The following LEF1 variants were observed in gnomAD, a reference collection of about 807,000 sequenced individuals.
The protein encoded by LEF1 is lymphoid enhancer binding factor 1.
Under a neutral mutation model 51.2 loss-of-function variants are expected in LEF1, and 14 were observed. That is an observed-to-expected ratio of 0.27 (90% CI 0.18 to 0.43). The LOEUF is 0.43. Ranked by LOEUF, LEF1 falls within the 20% of genes least tolerant of loss-of-function variation. The pLI is 1.00. For missense variants in LEF1, 386 were observed against 512.0 expected, an observed-to-expected ratio of 0.75 and a Z score of 2.37; for synonymous variants, 185 against 183.2, an observed-to-expected ratio of 1.01 and a Z score of -0.08.
intron 11 of LEF1, among the ~76,000 whole-genome samples, chr4:108,054,614 C>G (rs1737205621): frequency 6.6e-6 from 1 of 152,192 alleles, no homozygotes; most frequent in Non-Finnish European, 1.5e-5. Flanking sequence ...CTTCACACGA[C>G]ACATTCGGGG....
chr4:108,064,263 G>T, intron 10 of LEF1, 73 bp downstream of exon 10: 2 of 951,276 alleles, frequency 2.1e-6, no homozygotes, highest in Non-Finnish European at 1.7e-6. Context: ...GCAGTGTGTA[G>T]AGAGATGCAA....
intron 3 of LEF1, among the ~76,000 whole-genome samples, chr4:108,128,793 A>G (rs998876480): frequency 8.5e-5 from 13 of 152,194 alleles, no homozygotes; most frequent in East Asian, 1.9e-4. Flanking sequence ...AAAATTGTAA[A>G]TCATGAGAAG....
chr4:108,088,928 A>G (rs1174023154), intron 4 of LEF1, among the ~76,000 whole-genome samples, 197 bp downstream of exon 4: 2 of 152,160 alleles, frequency 1.3e-5, no homozygotes, highest in African/African-American at 2.4e-5. Context: ...CTGCTTTTTA[A>G]TAATGCATAA....
chr4:108,081,189 A>T (rs1739274131), intron 6 of LEF1, among the ~76,000 whole-genome samples: 1 of 152,148 alleles, frequency 6.6e-6, no homozygotes, highest in East Asian at 1.9e-4. Flanking sequence ...TCCACAAAGG[A>T]AGCAAATTAT....
At chr4:108,055,054 T>C (rs1737232567) in intron 11 of LEF1, among the ~76,000 whole-genome samples, 1 of 152,228 alleles carries the variant, frequency 6.6e-6, no homozygotes. Context: ...AGTAATGTCA[T>C]GAAATTTATG....
intron 8 of LEF1, among the ~76,000 whole-genome samples, chr4:108,071,064 A>G (rs889786045): frequency 2.6e-5 from 4 of 152,186 alleles, no homozygotes; most frequent in Non-Finnish European, 5.9e-5. Context: ...CTCTTTTCCA[A>G]TATAAATTAA....
chr4:108,083,431 G>A lies in LEF1; in HGVS notation c.563C>T (p.Pro188Leu), dbSNP rs771652005. 1 of 1,612,442 alleles carries A rather than the reference G, an allele frequency of 6.2e-7. No homozygotes were observed. Among genetic ancestry groups the A allele is most frequent in the Non-Finnish European group, 8.5e-7 (1 of 1,178,630 alleles). ...AAAAGTAGGGATATCAGGAGCTGGA[G>A]GATGTCTGGACATGCCTGTTAAACA... is the stretch of plus-strand genomic sequence containing the variant. ...VNSKQGMSRH[P>L]PAPDIPTFYP... Residue 188 changes from proline to leucine, a missense_variant, in exon 5 of 12, where the codon CCT becomes CTT. This residue lies in a region of LEF1 where 335 missense variants were observed against 390.7 expected (regional missense o/e 0.86). Coordinates refer to ENST00000265165, the MANE Select transcript of LEF1 (RefSeq NM_016269.5).
rs544986368 is a variant in LEF1, at chr4:108,048,370, A to T, written c.*388T>A. 4.6e-6 allele frequency: 1 copy of T among 215,256 alleles called. No individual in the cohort carries two copies. Among genetic ancestry groups the T allele is most frequent in the Non-Finnish European group, 9.2e-6 (1 of 109,254 alleles). 13.3% of individuals were successfully genotyped at this position (215,256 alleles called of 1,614,324 possible). A position where few individuals can be genotyped will look rare whatever the true frequency, so the allele number is the denominator to read the frequency against. ...CATGACAGGCAAATGCAGCCAAGTT[A>T]CCGTCCTTGCCGAAAGGTTACAGGT... is the stretch of plus-strand genomic sequence containing the variant. On this transcript the variant is annotated 3_prime_UTR_variant, in exon 12 of 12. Coordinates refer to ENST00000265165, the MANE Select transcript of LEF1 (RefSeq NM_016269.5).
intron 11 of LEF1, among the ~76,000 whole-genome samples, chr4:108,052,422 T>C (rs112503951): frequency 2.0e-5 from 3 of 152,310 alleles, no homozygotes; most frequent in African/African-American, 7.2e-5. Flanking sequence ...ATATTAGAGA[T>C]TGGTTTTATG....
At chr4:108,146,038 A>G (rs1350328395) in intron 3 of LEF1, among the ~76,000 whole-genome samples, 1 of 152,260 alleles carries the variant, frequency 6.6e-6, no homozygotes, top group African/African-American at 2.4e-5. Flanking sequence ...TATTTTAAAA[A>G]TAAGTGACCA....
intron 3 of LEF1, among the ~76,000 whole-genome samples, chr4:108,116,614 C>T (rs1741858377): frequency 6.6e-6 from 1 of 152,226 alleles, no homozygotes; most frequent in Non-Finnish European, 1.5e-5. Context: ...TGGCCACACA[C>T]ATAAAATCCA....
chr4:108,163,170 A>G (rs780436516), intron 3 of LEF1, among the ~76,000 whole-genome samples: 3 of 152,230 alleles, frequency 2.0e-5, no homozygotes, highest in Non-Finnish European at 2.9e-5. Flanking sequence ...GCTCCAAATG[A>G]GCTAAAGTAG....
chr4:108,122,283 T>C (rs1306732319), intron 3 of LEF1, among the ~76,000 whole-genome samples: 1 of 152,184 alleles, frequency 6.6e-6, no homozygotes, highest in Admixed American at 6.5e-5. Context: ...CATTATTATA[T>C]GCATAATGAT....
chr4:108,126,804 CAAAA>C (rs11329450), intron 3 of LEF1, among the ~76,000 whole-genome samples: 3 of 97,318 alleles, frequency 3.1e-5, no homozygotes, highest in Non-Finnish European at 3.7e-5. Context: ...GACTTTCTCT[CAAAA>C]AAAAAAAAAA....
At chr4:108,111,359 G>A (rs1348903432) in intron 3 of LEF1, among the ~76,000 whole-genome samples, 2 of 152,158 alleles carry the variant, frequency 1.3e-5, no homozygotes, top group Non-Finnish European at 2.9e-5. Flanking sequence ...CACCTGCTGA[G>A]TGTACCTGGG....
chr4:108,091,788 T>C (rs1237227185), intron 3 of LEF1, among the ~76,000 whole-genome samples: 1 of 152,158 alleles, frequency 6.6e-6, no homozygotes, highest in Non-Finnish European at 1.5e-5. Context: ...TGGGTAGATG[T>C]GAGGATAGGA....
chr4:108,070,815 A>ATACTATTGCTATTTT, intron 8 of LEF1, 45 bp from the exon 9 acceptor site: 6 of 1,257,794 alleles, frequency 4.8e-6, no homozygotes, highest in Non-Finnish European at 6.9e-6. Context: ...TAAGCAAAAT[A>ATACTATTGCTATTTT]GCAATAGCAT....
intron 3 of LEF1, among the ~76,000 whole-genome samples, chr4:108,157,168 C>CTATATA (rs1162000209): frequency 9.7e-5 from 13 of 133,790 alleles, no homozygotes; most frequent in Admixed American, 3.0e-4. Flanking sequence ...CTCTCTCTCT[C>CTATATA]TATATATATA....
intron 11 of LEF1, among the ~76,000 whole-genome samples, chr4:108,057,527 G>C (rs1737385809): frequency 6.6e-6 from 1 of 152,090 alleles, no homozygotes; most frequent in Admixed American, 6.6e-5. Context: ...AAGAGGACAG[G>C]GCTAAATGTT....
Sources: gnomAD v4.1 joint callset for allele counts (sites outside exome capture counted in the v4.1 genomes callset) on GRCh38, gnomAD v4.1.1 for gene constraint, gnomAD v4.1.1 regional missense constraint, MANE v1.5 for transcripts, NCBI Gene and HGNC (gene_info 2026-07-23, HGNC 2026-07-21) for gene names.